SLC7A2: variants seen among roughly 807,000 people sequenced by gnomAD.
The protein encoded by SLC7A2 is cationic amino acid transporter 2.
Under a neutral mutation model 58.9 loss-of-function variants are expected in SLC7A2, and 48 were observed. The ratio of observed to expected loss-of-function variants is 0.82; its 90% CI spans 0.65 to 1.04. The LOEUF (loss-of-function observed/expected upper bound fraction) is 1.04. Among genes scored for constraint, SLC7A2 ranks in the 50% least tolerant of loss-of-function variants. The probability of loss-of-function intolerance (pLI) is 0.00; values close to 1 mark genes in which losing one functional copy is unlikely to be tolerated. For synonymous variants in SLC7A2, 363 were observed against 314.5 expected, an observed-to-expected ratio of 1.15 and a Z score of -1.63; for missense variants, 1,029 against 818.8, an observed-to-expected ratio of 1.26 and a Z score of -3.13.
chr8:17,559,263 G>C (rs1802849837), intron 9 of SLC7A2, among the ~76,000 whole-genome samples: 1 of 152,098 alleles, frequency 6.6e-6, no homozygotes, highest in African/African-American at 2.4e-5. Flanking sequence ...CCCAAGACTG[G>C]GTAATTTATC....
chr8:17,566,892 A>T lies in SLC7A2; in HGVS notation c.*1746A>T, dbSNP rs1356206960. ...CGTGTAATCCCAAGACAAGGAAAAC[A>T]TTCGTTTTCCTCATGGGTCTTCCAA... On this transcript the variant is annotated 3_prime_UTR_variant, in exon 13 of 13. Transcript: ENST00000494857. 1.3e-5 allele frequency: 2 copies of T among 152,340 alleles called. No individual in the cohort carries two copies. The highest frequency in any genetic ancestry group is 2.9e-5 in the Non-Finnish European group (2 of 68,048). 9.4% of individuals were successfully genotyped at this position (152,340 alleles called of 1,614,324 possible). A position where few individuals can be genotyped will look rare whatever the true frequency, so the allele number is the denominator to read the frequency against.
chr8:17,509,854 G>A (rs937078843), intron 2 of SLC7A2, among the ~76,000 whole-genome samples: 4 of 152,108 alleles, frequency 2.6e-5, no homozygotes, highest in South Asian at 4.2e-4. Flanking sequence ...TTCTGGGTTC[G>A]GAAGAAGCCT....
chr8:17,561,934 C>T lies in SLC7A2; in HGVS notation c.1505-10C>T, dbSNP rs758275467. ...TGTGCTGACTCTGTTATCTACACATCCCCCTGCAGCTTTCCTCGTGTTGGG... is the reference window on the plus strand; with the variant it reads ...TGTGCTGACTCTGTTATCTACACATTCCCCTGCAGCTTTCCTCGTGTTGGG... On this transcript the variant is annotated splice_polypyrimidine_tract_variant and intron_variant, in intron 10 of 12. Coordinates refer to ENST00000494857, the MANE Select transcript of SLC7A2 (RefSeq NM_001370338.1). The T allele has an allele frequency of 1.9e-6, 3 of 1,613,580 alleles. No homozygotes were observed. The highest frequency in any genetic ancestry group is 1.7e-5 in the Admixed American group (1 of 60,012).
chr8:17,503,245 T>C (rs957708201), intron 2 of SLC7A2, among the ~76,000 whole-genome samples: 1 of 151,794 alleles, frequency 6.6e-6, no homozygotes, highest in Non-Finnish European at 1.5e-5. Flanking sequence ...AGAGACGGGG[T>C]TTCACCGCGT....
chr8:17,560,907 C>A lies in SLC7A2; in HGVS notation c.1504+374C>A, dbSNP rs561167452. 1.2e-4 allele frequency among the ~76,000 whole-genome samples: 19 copies of A among 152,206 alleles called. No homozygotes were observed. In the South Asian group the frequency reaches 3.7e-3, roughly 30 times the overall value. On this transcript the variant is annotated intron_variant, in intron 10 of 12. Transcript: ENST00000494857. ...ATATAGAAAATCCTTGTTTGTTTAC[C>A]CACAGTTACGTAATCATTCATTCAT...
At chr8:17,525,609 T>A (rs1030213116) in intron 2 of SLC7A2, among the ~76,000 whole-genome samples, 2 of 152,182 alleles carry the variant, frequency 1.3e-5, no homozygotes, top group Non-Finnish European at 2.9e-5. Flanking sequence ...AGGGTTTTAA[T>A]TTGACAATGA....
intron 2 of SLC7A2, among the ~76,000 whole-genome samples, chr8:17,528,290 A>G (rs1383647538): frequency 6.6e-6 from 1 of 152,202 alleles, no homozygotes; most frequent in Non-Finnish European, 1.5e-5. Context: ...ATTAGGCTTT[A>G]TATTTGCCTC....
chr8:17,507,361 GT>G (rs1800412428), intron 2 of SLC7A2, among the ~76,000 whole-genome samples: 1 of 152,130 alleles, frequency 6.6e-6, no homozygotes, highest in South Asian at 2.1e-4. Context: ...TTAAATGTGT[GT>G]GTGTGTGTGC....
intron 2 of SLC7A2, among the ~76,000 whole-genome samples, chr8:17,529,396 A>G (rs1037753216): frequency 2.0e-5 from 3 of 152,198 alleles, no homozygotes; most frequent in Admixed American, 6.5e-5. Context: ...GATGGTATAT[A>G]TATAGCAGTT....
chr8:17,549,133 A>G (rs1802322368), intron 5 of SLC7A2, among the ~76,000 whole-genome samples: 1 of 152,158 alleles, frequency 6.6e-6, no homozygotes, highest in South Asian at 2.1e-4. Flanking sequence ...CACCATCACA[A>G]GAACAGCACA....
chr8:17,523,088 G>A (rs1023764059), intron 2 of SLC7A2, among the ~76,000 whole-genome samples: 1 of 152,012 alleles, frequency 6.6e-6, no homozygotes, highest in African/African-American at 2.4e-5. Context: ...GCAAACCACT[G>A]TGGCACATGT....
chr8:17,549,358 C>G (rs1173109479), intron 5 of SLC7A2, among the ~76,000 whole-genome samples: 1 of 152,192 alleles, frequency 6.6e-6, no homozygotes, highest in Non-Finnish European at 1.5e-5. Flanking sequence ...ACCCCTCTTC[C>G]CAGATTCCCT....
At chr8:17,546,682 G>A (rs1802188275) in intron 4 of SLC7A2, among the ~76,000 whole-genome samples, 2 of 152,268 alleles carry the variant, frequency 1.3e-5, no homozygotes, top group South Asian at 4.1e-4. Flanking sequence ...GTTAATATAT[G>A]ATTCTAGGAA....
chr8:17,565,972 C>A lies in SLC7A2; in HGVS notation c.*826C>A, dbSNP rs1198519965. 5 of 152,140 alleles carry A rather than the reference C, an allele frequency of 3.3e-5. No homozygotes were observed. The highest frequency in any genetic ancestry group is 5.9e-5 in the Non-Finnish European group (4 of 68,034). The allele number at this position is 152,140 out of a possible 1,614,324, so 9.4% of individuals were successfully genotyped here. On this transcript the variant is annotated 3_prime_UTR_variant, in exon 13 of 13. Transcript: ENST00000494857. ...GAGAGGCACTGTGATATACTTGGGA[C>A]CCTTTAAATTAAAAAGTGAAGATAG...
intron 2 of SLC7A2, among the ~76,000 whole-genome samples, chr8:17,541,972 T>A (rs1265137668): frequency 6.6e-6 from 1 of 151,798 alleles, no homozygotes; most frequent in Non-Finnish European, 1.5e-5. Context: ...TTTTGTCTAC[T>A]TTATTCATTC....
intron 2 of SLC7A2, among the ~76,000 whole-genome samples, chr8:17,534,963 C>G (rs996116162): frequency 2.6e-5 from 4 of 152,158 alleles, no homozygotes; most frequent in Admixed American, 2.0e-4. Context: ...ACCGCCCTTC[C>G]CCTAGAGCAG....
intron 2 of SLC7A2, among the ~76,000 whole-genome samples, chr8:17,527,833 G>T (rs1195159269): frequency 6.6e-6 from 1 of 152,174 alleles, no homozygotes; most frequent in Non-Finnish European, 1.5e-5. Flanking sequence ...TAAGGTACCA[G>T]GTTTTAGGAC....
intron 2 of SLC7A2, among the ~76,000 whole-genome samples, chr8:17,513,652 A>T (rs1191607777): frequency 1.3e-5 from 2 of 152,210 alleles, no homozygotes; most frequent in South Asian, 4.1e-4. Context: ...GAATCTGCTG[A>T]GATGAGGCCT....
chr8:17,521,333 C>G (rs1212134637), intron 2 of SLC7A2, among the ~76,000 whole-genome samples: 1 of 152,146 alleles, frequency 6.6e-6, no homozygotes, highest in Non-Finnish European at 1.5e-5. Context: ...TATGTTGGTT[C>G]TTCGGAATTG....
Sources: allele counts gnomAD v4.1 joint callset (sites outside exome capture counted in the v4.1 genomes callset), GRCh38; gene constraint gnomAD v4.1.1; transcripts MANE v1.5; gene names NCBI Gene and HGNC (gene_info 2026-07-23, HGNC 2026-07-21).